POU2F1: variants seen among roughly 807,000 people sequenced by gnomAD.
POU2F1 encodes POU domain, class 2, transcription factor 1.
In POU2F1, 16 loss-of-function variants were observed where a neutral mutation model predicts 84.9. That is an observed-to-expected ratio of 0.19 (90% CI 0.13 to 0.29). The LOEUF is 0.29. Among genes scored for constraint, POU2F1 ranks in the 10% least tolerant of loss-of-function variants. The probability of loss-of-function intolerance (pLI) is 1.00; values close to 1 mark genes in which losing one functional copy is unlikely to be tolerated. For synonymous variants in POU2F1, 368 were observed against 368.3 expected (o/e 1.00, Z 0.01); for missense variants, 738 against 942.6 (o/e 0.78, Z 2.84).
intron 8 of POU2F1, among the ~76,000 whole-genome samples, chr1:167,384,240 A>G (rs1647790286): frequency 6.6e-6 from 1 of 152,162 alleles, no homozygotes; most frequent in African/African-American, 2.4e-5. Flanking sequence ...GGCGGTAGAT[A>G]TTACCACTTA....
At position 167,256,325 on chromosome 1, in the gene POU2F1, A is replaced by G. The variant is rs182044888; in HGVS notation, c.61+35367A>G. ...TGCCTGAGTGTCAGAAATGAACTCTACTTCTGGCTATTCTAGTTCCTTGAG... is the reference window on the plus strand; with the variant it reads ...TGCCTGAGTGTCAGAAATGAACTCTGCTTCTGGCTATTCTAGTTCCTTGAG... On this transcript the variant is annotated intron_variant, in intron 1 of 15. Transcript: ENST00000367866. 2.4e-4 allele frequency among the ~76,000 whole-genome samples: 36 copies of G among 151,102 alleles called. No individual in the cohort carries two copies. The East Asian group carries it at 6.4e-3, about 27-fold the overall frequency.
chr1:167,242,425 C>T (rs1649979426), intron 1 of POU2F1, among the ~76,000 whole-genome samples: 2 of 152,166 alleles, frequency 1.3e-5, no homozygotes. Context: ...GCTATAAAAG[C>T]TGGTACTTGA....
rs1413061003 is a variant in POU2F1 at position 167,427,079 on chromosome 1, A to G, written c.*11269A>G. The G allele has an allele frequency of 6.6e-6, 1 of 152,176 alleles. No individual in the cohort carries two copies. Among genetic ancestry groups the G allele is most frequent in the Non-Finnish European group, 1.5e-5 (1 of 68,028 alleles). The allele number at this position is 152,176 out of a possible 1,614,324, so 9.4% of individuals were successfully genotyped here. A position where few individuals can be genotyped will look rare whatever the true frequency, so the allele number is the denominator to read the frequency against. On this transcript the variant is annotated 3_prime_UTR_variant, in exon 16 of 16. Coordinates refer to ENST00000367866, the MANE Select transcript of POU2F1 (RefSeq NM_002697.4). ...TTGGGGAATTAGCTGATGCCTCCTG[A>G]AGCCTGAGGAGGTGGCGGGGAATAT...
rs1325110437 is a variant in POU2F1 at position 167,419,963 on chromosome 1, G to A, written c.*4153G>A. ...TCATTCATTGTTGGGGGAAAAAAAA[G>A]CACAACTATACCTCTTTAATGTTAT... On this transcript the variant is annotated 3_prime_UTR_variant, in exon 16 of 16. Transcript: ENST00000367866. 2 of 152,042 alleles carry A rather than the reference G, an allele frequency of 1.3e-5. No individual in the cohort carries two copies. Among genetic ancestry groups the A allele is most frequent in the Non-Finnish European group, 2.9e-5 (2 of 67,998 alleles). The allele number at this position is 152,042 out of a possible 1,614,324, so 9.4% of individuals were successfully genotyped here.
chr1:167,375,984 T>C, intron 6 of POU2F1, 45 bp from the exon 7 acceptor site: 1 of 1,610,434 alleles, frequency 6.2e-7, no homozygotes, highest in Non-Finnish European at 8.5e-7. Flanking sequence ...TAAGCGAACT[T>C]TTATTTCAGA....
chr1:167,238,307 C>T (rs1422072790), intron 1 of POU2F1, among the ~76,000 whole-genome samples: 1 of 151,980 alleles, frequency 6.6e-6, no homozygotes, highest in Non-Finnish European at 1.5e-5. Flanking sequence ...ATATTTATTT[C>T]CGGTGGGGCC....
chr1:167,261,836 C>A (rs1000588119), intron 1 of POU2F1, among the ~76,000 whole-genome samples: 1 of 152,080 alleles, frequency 6.6e-6, no homozygotes, highest in Non-Finnish European at 1.5e-5. Context: ...AGGCACGTGC[C>A]ATCATGCCTG....
intron 1 of POU2F1, among the ~76,000 whole-genome samples, chr1:167,229,120 A>G (rs1648864399): frequency 6.6e-6 from 1 of 152,008 alleles, no homozygotes; most frequent in Non-Finnish European, 1.5e-5. Flanking sequence ...GTGTTGGTGT[A>G]AGAGTTTGGA....
intron 2 of POU2F1, among the ~76,000 whole-genome samples, chr1:167,337,267 A>T (rs1327191707): frequency 1.3e-5 from 2 of 151,920 alleles, no homozygotes; most frequent in Non-Finnish European, 2.9e-5. Context: ...TCGAGGCTAC[A>T]GTGAGCTGAG....
intron 1 of POU2F1, among the ~76,000 whole-genome samples, chr1:167,244,651 C>T (rs762975610): frequency 1.3e-5 from 2 of 152,166 alleles, no homozygotes; most frequent in Non-Finnish European, 2.9e-5. Flanking sequence ...GTACAAATAG[C>T]AGGAGTTCAT....
At chr1:167,301,103 GAACTGTC>G (rs1357256719) in intron 1 of POU2F1, among the ~76,000 whole-genome samples, 2 of 152,050 alleles carry the variant, frequency 1.3e-5, no homozygotes, top group Non-Finnish European at 2.9e-5. Flanking sequence ...TTAAACCAAG[GAACTGTC>G]ATATTAAATT....
intron 14 of POU2F1, 113 bp downstream of exon 14, chr1:167,412,417 A>G: frequency 1.0e-6 from 1 of 980,388 alleles, no homozygotes; most frequent in South Asian, 1.8e-5. Flanking sequence ...TCTTTAAAGC[A>G]GTAATCTCTT....
At chr1:167,354,962 C>G (rs1658839248) in intron 2 of POU2F1, among the ~76,000 whole-genome samples, 1 of 151,908 alleles carries the variant, frequency 6.6e-6, no homozygotes, top group East Asian at 1.9e-4. Flanking sequence ...TAAATATTTT[C>G]TTTTTTCAAT....
intron 8 of POU2F1, among the ~76,000 whole-genome samples, chr1:167,386,339 C>A (rs907066294): frequency 6.6e-6 from 1 of 152,130 alleles, no homozygotes; most frequent in African/African-American, 2.4e-5. Context: ...GGACTACAGG[C>A]GTGCATCACC....
chr1:167,284,904 T>C (rs1405338417), intron 1 of POU2F1, among the ~76,000 whole-genome samples: 1 of 152,250 alleles, frequency 6.6e-6, no homozygotes, highest in Admixed American at 6.5e-5. Flanking sequence ...AGAACTGTTT[T>C]GCTTTGCTGT....
intron 2 of POU2F1, among the ~76,000 whole-genome samples, chr1:167,344,211 A>T (rs1246242795): frequency 6.6e-6 from 1 of 152,194 alleles, no homozygotes; most frequent in East Asian, 1.9e-4. Context: ...ATTATCACAG[A>T]AAGTTCTATT....
chr1:167,264,305 A>ATTCT (rs1269771611), intron 1 of POU2F1, among the ~76,000 whole-genome samples: 7 of 152,002 alleles, frequency 4.6e-5, no homozygotes, highest in African/African-American at 1.5e-4. Context: ...TAGGTAGGGC[A>ATTCT]AAGAGTGGAG....
At chr1:167,290,930 C>T (rs1354177543) in intron 1 of POU2F1, among the ~76,000 whole-genome samples, 1 of 151,872 alleles carries the variant, frequency 6.6e-6, no homozygotes, top group East Asian at 1.9e-4. Flanking sequence ...CCTATAATCC[C>T]AGCTACTGGG....
At chr1:167,383,692 A>G in intron 7 of POU2F1, 165 bp from the exon 8 acceptor site, 1 of 580,928 alleles carries the variant, frequency 1.7e-6, no homozygotes, top group Non-Finnish European at 3.0e-6. Context: ...AAGTTGTAAA[A>G]CAAGATTGAA....
Sources: allele counts gnomAD v4.1 joint callset (sites outside exome capture counted in the v4.1 genomes callset), GRCh38; gene constraint gnomAD v4.1.1; transcripts MANE v1.5; gene names NCBI Gene and HGNC (gene_info 2026-07-23, HGNC 2026-07-21).